The following RO60 variants were observed in gnomAD, a reference collection of about 807,000 sequenced individuals.
RO60 encodes RNA-binding protein RO60.
Under a neutral mutation model 55.3 loss-of-function variants are expected in RO60, and 20 were observed. The observed-to-expected ratio is 0.36, with a 90% CI of 0.25 to 0.53. RO60 has a LOEUF of 0.53. Among genes scored for constraint, RO60 ranks in the 20% least tolerant of loss-of-function variants. The pLI is 0.92. For synonymous variants in RO60, 213 were observed against 213.6 expected (o/e 1.00, Z 0.02); for missense variants, 558 against 646.6 (o/e 0.86, Z 1.49).
At chr1:193,076,437 A>G in intron 3 of RO60, 64 bp from the exon 4 acceptor site, 1 of 1,496,634 alleles carries the variant, frequency 6.7e-7, no homozygotes, top group Non-Finnish European at 9.0e-7. Context: ...TTTTTTATAT[A>G]GGTATGTTAT....
At chr1:193,068,781 C>T (rs1673284538) in intron 1 of RO60, among the ~76,000 whole-genome samples, 1 of 152,160 alleles carries the variant, frequency 6.6e-6, no homozygotes, top group African/African-American at 2.4e-5. Flanking sequence ...AACAAAAACA[C>T]TTTAAAAACT....
At chr1:193,067,706 T>C (rs1673211617) in intron 1 of RO60, among the ~76,000 whole-genome samples, 1 of 152,102 alleles carries the variant, frequency 6.6e-6, no homozygotes, top group Non-Finnish European at 1.5e-5. Context: ...GAAGTGACAA[T>C]TGTGGTTCCT....
chr1:193,091,502 T>A, downstream of RO60: 1 of 664,712 alleles, frequency 1.5e-6, no homozygotes, highest in South Asian at 1.8e-5. Context: ...CTTTGTCAAG[T>A]CTTCCAAGTT....
Position 193,086,019 on chromosome 1 carries a change from A to G in RO60, c.*1288A>G, listed in dbSNP as rs41520747. On this transcript the variant is annotated 3_prime_UTR_variant, in exon 9 of 9. Transcript: ENST00000400968. Reference sequence around the variant, plus strand: ...GCTCATAATTTTATTATGGCCGTCTAAGGTAGCTTACACATAAAACCTGTT... The same window carrying G: ...GCTCATAATTTTATTATGGCCGTCTGAGGTAGCTTACACATAAAACCTGTT... The G allele has an allele frequency of 0.01, 9,976 of 985,228 alleles. 712 individuals carry two copies. In the African/African-American group the frequency reaches 0.15, roughly 15 times the overall value. The allele number at this position is 985,228 out of a possible 1,614,324, so 61.0% of individuals were successfully genotyped here. A position where few individuals can be genotyped will look rare whatever the true frequency, so the allele number is the denominator to read the frequency against.
At chr1:193,060,416 G>A (rs1672491990) in intron 1 of RO60, 1 of 185,154 alleles carries the variant, frequency 5.4e-6, no homozygotes. Context: ...GAATACTATA[G>A]TGTTAAGATT....
Position 193,090,910 on chromosome 1 carries a change from T to C in RO60, c.*6179T>C, listed in dbSNP as rs1004181095. On this transcript the variant is annotated 3_prime_UTR_variant, in exon 9 of 9. Coordinates refer to ENST00000400968, the MANE Select transcript of RO60 (RefSeq NM_001173524.2). ...TTTACATAGTGAATGGAAATTTAAGTATTACATTTTAAAACCTGATTGTAC... is the reference window on the plus strand; with the variant it reads ...TTTACATAGTGAATGGAAATTTAAGCATTACATTTTAAAACCTGATTGTAC... The C allele has an allele frequency of 6.6e-6, 1 of 152,162 alleles. No individual in the cohort carries two copies. The highest frequency in any genetic ancestry group is 2.4e-5 in the African/African-American group (1 of 41,456). The allele number at this position is 152,162 out of a possible 1,614,324, so 9.4% of individuals were successfully genotyped here. A position where few individuals can be genotyped will look rare whatever the true frequency, so the allele number is the denominator to read the frequency against.
intron 8 of RO60, among the ~76,000 whole-genome samples, chr1:193,083,253 TAATC>T (rs1674440571): frequency 3.9e-5 from 6 of 152,244 alleles, no homozygotes; most frequent in Admixed American, 3.9e-4. Context: ...TTTTTGGTAA[TAATC>T]AGAATATTTG....
Position 193,082,266 on chromosome 1 carries a change from G to T in RO60, c.1284G>T (p.Met428Ile). ...EMVPCPVTTD[M>I]TLQQVLMAMS... ...TACCATGTCCAGTGACTACAGATAT[G>T]ACCTTACAACAGGTTTTAATGGCTA... Residue 428 changes from methionine to isoleucine, a missense_variant, in exon 7 of 9, where the codon ATG becomes ATT. Met to Ile is a conservative substitution (Grantham distance 10). Transcript: ENST00000400968. 6.2e-7 allele frequency: 1 copy of T among 1,612,980 alleles called. No individual in the cohort carries two copies. Among genetic ancestry groups the T allele is most frequent in the South Asian group, 1.1e-5 (1 of 90,794 alleles).
At position 193,082,285 on chromosome 1, in the gene RO60, A is replaced by G; in HGVS notation, c.1303A>G (p.Met435Val). ...TTDMTLQQVL[M>V]AMSQIPAGGT... ...AGATATGACCTTACAACAGGTTTTA[A>G]TGGCTATGAGTCAGGTAAGAAACTG... Residue 435 changes from methionine (M) to valine (V), a missense_variant, in exon 7 of 9, where the codon ATG becomes GTG. Met to Val is a conservative substitution (Grantham distance 21, BLOSUM62 1). Coordinates refer to ENST00000400968, the MANE Select transcript of RO60 (RefSeq NM_001173524.2). 6.2e-7 allele frequency: 1 copy of G among 1,608,170 alleles called. No individual in the cohort carries two copies. Among genetic ancestry groups the G allele is most frequent in the Non-Finnish European group, 8.5e-7 (1 of 1,177,122 alleles).
Position 193,059,906 on chromosome 1 carries a change from C to G in RO60, c.-22+130C>G, listed in dbSNP as rs1275647580. 7.3e-7 allele frequency: 1 copy of G among 1,365,768 alleles called. No homozygotes were observed. The highest frequency in any genetic ancestry group is 9.8e-7 in the Non-Finnish European group (1 of 1,021,578). The allele number at this position is 1,365,768 out of a possible 1,614,324, so 84.6% of individuals were successfully genotyped here. ...GGCTGGGCAAACGCCGCGAAACTATCGCTCTTCCCCGTCCCGCTTCCGCGC... is the reference window on the plus strand; with the variant it reads ...GGCTGGGCAAACGCCGCGAAACTATGGCTCTTCCCCGTCCCGCTTCCGCGC... On this transcript the variant is annotated intron_variant, in intron 1 of 8. Transcript: ENST00000400968. This position sits in a 1 kb window ranked among gnomAD's most constrained non-coding sequence, Gnocchi z 4.9.
At chr1:193,065,937 C>T (rs563822118) in intron 1 of RO60, among the ~76,000 whole-genome samples, 1 of 152,240 alleles carries the variant, frequency 6.6e-6, no homozygotes, top group East Asian at 1.9e-4. Flanking sequence ...CTTCATTCTC[C>T]CATGCACTTA....
intron 1 of RO60, among the ~76,000 whole-genome samples, chr1:193,067,827 C>T (rs938364071): frequency 6.6e-6 from 1 of 152,058 alleles, no homozygotes; most frequent in Non-Finnish European, 1.5e-5. Flanking sequence ...AAACCGTAAA[C>T]CTAAAAATGG....
At chr1:193,082,750 A>T in intron 8 of RO60, 42 bp downstream of exon 8, 1 of 1,451,960 alleles carries the variant, frequency 6.9e-7, no homozygotes, top group African/African-American at 1.5e-5. Flanking sequence ...AAATAATATT[A>T]TTTTAATACT....
chr1:193,076,742 G>C, intron 4 of RO60, 95 bp downstream of exon 4: 1 of 1,393,766 alleles, frequency 7.2e-7, no homozygotes. Flanking sequence ...AAGGTATTTC[G>C]AGATGTTCAT....
In RO60 at chr1:193,069,492, T is replaced by C; in HGVS notation, c.438T>C (p.Arg146=). ...GCATGAAATGTGGCATGTGGGGTCGTGCCCTCCGGAAGGCTATAGCGGACT... is the reference window on the plus strand; with the variant it reads ...GCATGAAATGTGGCATGTGGGGTCGCGCCCTCCGGAAGGCTATAGCGGACT... The part of the protein sequence containing the change: ...KESMKCGMWG[R]ALRKAIADWY... Residue 146 remains arginine, a synonymous_variant, in exon 2 of 9, where the codon CGT becomes CGC. Transcript: ENST00000400968. 6.2e-7 allele frequency: 1 copy of C among 1,614,218 alleles called. No individual in the cohort carries two copies. The highest frequency in any genetic ancestry group is 1.3e-5 in the African/African-American group (1 of 75,046).
At chr1:193,067,500 T>C (rs935798252) in intron 1 of RO60, among the ~76,000 whole-genome samples, 2 of 152,114 alleles carry the variant, frequency 1.3e-5, no homozygotes, top group Admixed American at 1.3e-4. Context: ...TTTTTTTTTT[T>C]AGTCTCTTTA....
In RO60 at chr1:193,081,395, T is replaced by C; in HGVS notation, c.1118T>C (p.Leu373Pro). The C allele has an allele frequency of 3.7e-6, 6 of 1,608,036 alleles. No individual in the cohort carries two copies. Among genetic ancestry groups the C allele is most frequent in the Non-Finnish European group, 5.1e-6 (6 of 1,176,056 alleles). ...TVEPTGKRFL[L>P]AVDVSASMNQ... is the part of the protein sequence containing the mutation. The stretch of plus-strand genomic sequence containing the variant: ...GAACCAACTGGAAAACGTTTCTTAC[T>C]AGCTGTTGATGTCAGTGCTTCTATG... The change falls in exon 6 of 9, where the codon CTA becomes CCA. Residue 373 changes from leucine to proline, a missense_variant. By Grantham distance (98) the Leu-to-Pro change is moderately conservative (BLOSUM62 -3). Coordinates refer to ENST00000400968, the MANE Select transcript of RO60 (RefSeq NM_001173524.2).
intron 1 of RO60, among the ~76,000 whole-genome samples, chr1:193,066,462 G>A (rs1007352805): frequency 6.6e-6 from 1 of 152,126 alleles, no homozygotes; most frequent in African/African-American, 2.4e-5. Flanking sequence ...GCTCTCACTA[G>A]TCACTCCTAC....
In RO60 at chr1:193,060,096, T is replaced by TTTCTCCTCC. The variant is rs1286289885; in HGVS notation, c.-22+327_-22+335dup. ...GAGAGGGCCTGCTTTACTCCTCCTC[T>TTTCTCCTCC]TTCTCCTCCTTCTCCCGCGGCTTCT... is the stretch of plus-strand genomic sequence containing the variant. On this transcript the variant is annotated intron_variant, in intron 1 of 8. Coordinates refer to ENST00000400968, the MANE Select transcript of RO60 (RefSeq NM_001173524.2). 4.9e-6 allele frequency: 6 copies of TTTCTCCTCC among 1,235,886 alleles called. No homozygotes were observed. The African/African-American group carries it at 9.3e-5, about 19-fold the overall frequency. 76.6% of individuals were successfully genotyped at this position (1,235,886 alleles called of 1,614,324 possible). A position where few individuals can be genotyped will look rare whatever the true frequency, so the allele number is the denominator to read the frequency against.
Sources: allele counts gnomAD v4.1 joint callset (sites outside exome capture counted in the v4.1 genomes callset), GRCh38; gene constraint gnomAD v4.1.1; non-coding constraint Gnocchi (gnomAD v3.1); transcripts MANE v1.5; gene names NCBI Gene and HGNC (gene_info 2026-07-23, HGNC 2026-07-21).